DST: variants seen among roughly 807,000 people sequenced by gnomAD.
The protein encoded by DST is dystonin, also known as bullous pemphigoid antigen.
In DST, 253 loss-of-function variants were observed where a neutral mutation model predicts 875.2. That is an observed-to-expected ratio of 0.29 (90% confidence interval 0.26 to 0.32). The LOEUF is 0.32. Among genes scored for constraint, DST ranks in the 10% least tolerant of loss-of-function variants. The pLI, the probability that DST is intolerant of heterozygous loss-of-function variation, is 1.00. For missense variants in DST, 8,287 were observed against 9,111.6 expected (o/e 0.91, Z 3.68); for synonymous variants, 3,124 against 3,197.1 (o/e 0.98, Z 0.77).
chr6:56,552,920 C>T lies in DST; in HGVS notation c.15872G>A (p.Cys5291Tyr), dbSNP rs1277842853. The change falls in exon 61 of 104, where the codon TGT becomes TAT. Residue 5291 changes from cysteine to tyrosine, a missense_variant. Coordinates refer to ENST00000680361, the MANE Select transcript of DST (RefSeq NM_001374736.1). ...ATGGATATCTAGCTGCTCCTTTGCA[C>T]ACTGAAGCTGCCTTTTAGATTCTTT... ...VSKESKRQLQ[C>Y]AKEQLDIHDS... is the part of the protein sequence containing the mutation. 4.3e-6 allele frequency: 7 copies of T among 1,613,906 alleles called. No individual in the cohort carries two copies. The highest frequency in any genetic ancestry group is 5.9e-6 in the Non-Finnish European group (7 of 1,179,904).
intron 69 of DST, among the ~76,000 whole-genome samples, chr6:56,521,152 A>C (rs929709546): frequency 1.3e-5 from 2 of 152,096 alleles, no homozygotes; most frequent in Admixed American, 1.3e-4. Flanking sequence ...CCCCATGAAA[A>C]AGAAGTGAAA....
intron 61 of DST, among the ~76,000 whole-genome samples, chr6:56,546,462 C>T (rs1380536756): frequency 2.2e-5 from 3 of 137,508 alleles, no homozygotes; most frequent in African/African-American, 8.0e-5. Context: ...TGGCCCTATT[C>T]AATTTTCTTC....
intron 4 of DST, among the ~76,000 whole-genome samples, chr6:56,744,462 C>T (rs186411456): frequency 2.0e-5 from 3 of 152,050 alleles, no homozygotes; most frequent in Admixed American, 6.5e-5. Context: ...TCAGTTTCCC[C>T]ATTACTGCCT....
intron 50 of DST, among the ~76,000 whole-genome samples, chr6:56,576,924 G>C (rs1320643532): frequency 1.3e-5 from 2 of 152,094 alleles, no homozygotes; most frequent in Admixed American, 1.3e-4. Context: ...TGCTATTTTT[G>C]TCATAGTGGG....
Position 56,506,548 on chromosome 6 carries a change from C to T in DST, c.19363-4G>A. The T allele has an allele frequency of 2.5e-6, 4 of 1,611,516 alleles. No homozygotes were observed. The highest frequency in any genetic ancestry group is 3.4e-6 in the Non-Finnish European group (4 of 1,178,396). ...GAGAATCCCATGCTGAATTTAACTA[C>T]AAGATGTATGTTAGAATTCTTTTAG... On this transcript the variant is annotated splice_polypyrimidine_tract_variant and splice_region_variant and intron_variant, in intron 76 of 103. Transcript: ENST00000680361.
At chr6:56,684,012 T>C (rs533018085) in intron 9 of DST, among the ~76,000 whole-genome samples, 1 of 152,376 alleles carries the variant, frequency 6.6e-6, no homozygotes, top group African/African-American at 2.4e-5. Flanking sequence ...ACTGATTTCA[T>C]TCACAGCTTA....
chr6:56,497,475 C>T lies in DST; in HGVS notation c.20127G>A (p.Leu6709=). 6.2e-7 allele frequency: 1 copy of T among 1,613,116 alleles called. No individual in the cohort carries two copies. The highest frequency in any genetic ancestry group is 8.5e-7 in the Non-Finnish European group (1 of 1,179,420). ...GCTCCGTGTCAGTCAGCCACTGCTG[C>T]AAATCCTCAATTTCGCCATGGAACC... ...AKGFHGEIED[L]QQWLTDTERH... is the part of the protein sequence containing the mutation. The change falls in exon 82 of 104, where the codon TTG becomes TTA. Residue 6709 remains leucine, a synonymous_variant. Transcript: ENST00000680361.
intron 4 of DST, among the ~76,000 whole-genome samples, chr6:56,751,055 C>A (rs550453825): frequency 3.9e-5 from 6 of 152,040 alleles, no homozygotes; most frequent in Admixed American, 1.3e-4. Context: ...TGCTCTTAAC[C>A]CCCAATGCTT....
At chr6:56,561,782 T>C (rs1446684689) in intron 56 of DST, among the ~76,000 whole-genome samples, 1 of 152,178 alleles carries the variant, frequency 6.6e-6, no homozygotes, top group Admixed American at 6.6e-5. Context: ...AAAGACATTT[T>C]AAATGTAACA....
rs34628660 is a variant in DST, at chr6:56,616,636, G to A, written c.4930-2152C>T. 659 of 1,614,030 alleles carry A rather than the reference G, an allele frequency of 4.1e-4. No homozygotes were observed. Among genetic ancestry groups the A allele is most frequent in the Non-Finnish European group, 5.2e-4 (617 of 1,180,034 alleles). The stretch of plus-strand genomic sequence containing the variant: ...ATGGCTCATGTAAAAACTGTAAGAT[G>A]GCATTATTCAACAACCCCTGCTGCA... On this transcript the variant is annotated intron_variant, in intron 36 of 103. Transcript: ENST00000680361.
intron 9 of DST, among the ~76,000 whole-genome samples, chr6:56,699,141 C>T (rs1379211112): frequency 1.3e-5 from 2 of 152,202 alleles, no homozygotes; most frequent in Admixed American, 1.3e-4. Context: ...GATAATAATT[C>T]AGTCAATAAA....
At chr6:56,669,721 T>A (rs2099090304) in intron 10 of DST, among the ~76,000 whole-genome samples, 1 of 152,176 alleles carries the variant, frequency 6.6e-6, no homozygotes, top group African/African-American at 2.4e-5. Context: ...GTTCCAAGTC[T>A]GCCACTCGCT....
intron 10 of DST, among the ~76,000 whole-genome samples, chr6:56,652,673 C>A (rs1446416983): frequency 1.3e-5 from 2 of 152,166 alleles, no homozygotes; most frequent in Admixed American, 1.3e-4. Flanking sequence ...TCAAGAAAAT[C>A]TTATACTTTT....
rs2098518772 is a variant in DST, at chr6:56,608,683, G to A, written c.5945C>T (p.Thr1982Ile). ...CTGTGCACTTAACAACCTAAACATGGTTTCACGGTCTATGAGACCTTCATG... is the reference window on the plus strand; with the variant it reads ...CTGTGCACTTAACAACCTAAACATGATTTCACGGTCTATGAGACCTTCATG... ...AAHEGLIDRE[T>I]MFRLLSAQLL... The change falls in exon 40 of 104, where the codon ACC (threonine) becomes ATC (isoleucine). Residue 1982 changes from threonine to isoleucine, a missense_variant. Thr to Ile is a moderately conservative substitution (Grantham distance 89). Coordinates refer to ENST00000680361, the MANE Select transcript of DST (RefSeq NM_001374736.1). 2 of 1,612,850 alleles carry A rather than the reference G, an allele frequency of 1.2e-6. No individual in the cohort carries two copies. Among genetic ancestry groups the A allele is most frequent in the African/African-American group, 2.7e-5 (2 of 74,882 alleles).
In DST at chr6:56,552,889, C is replaced by T. The variant is rs371189011; in HGVS notation, c.15903G>A (p.Ser5301=). ...TGTTACTGTAAGCCTGGGATCCCAG[C>T]GAATCATGGATATCTAGCTGCTCCT... ...CAKEQLDIHD[S]LGSQAYSNKY... The change falls in exon 61 of 104, where the codon TCG becomes TCA. Residue 5301 remains serine, a synonymous_variant. Coordinates refer to ENST00000680361, the MANE Select transcript of DST (RefSeq NM_001374736.1). The T allele has an allele frequency of 1.8e-5, 29 of 1,613,910 alleles. No individual in the cohort carries two copies. Among genetic ancestry groups the T allele is most frequent in the East Asian group, 4.5e-5 (2 of 44,882 alleles).
At position 56,697,385 on chromosome 6, in the gene DST, A is replaced by C. The variant is rs539611827; in HGVS notation, c.1047+2268T>G. ...CTATTTTAATGGATGTTGTTTCCTA[A>C]AACACATTTTTTAAAATTTAGCAAA... On this transcript the variant is annotated intron_variant, in intron 9 of 103. Transcript: ENST00000680361. Among the ~76,000 whole-genome samples the C allele has an allele frequency of 2.8e-4, 43 of 152,276 alleles. 1 individual carries two copies. The South Asian group carries it at 8.3e-3, about 29-fold the overall frequency.
At chr6:56,460,836 C>CGA (rs2152372548) in intron 102 of DST, 1 of 152,236 alleles carries the variant, frequency 6.6e-6, no homozygotes, top group East Asian at 1.9e-4. Flanking sequence ...CTTCCTGGCT[C>CGA]TATCACTTCT....
chr6:56,908,343 G>A (rs375043273), intron 2 of DST, among the ~76,000 whole-genome samples: 1 of 152,190 alleles, frequency 6.6e-6, no homozygotes, highest in Non-Finnish European at 1.5e-5. Context: ...GGCAGTCAAC[G>A]AACTTGGATG....
At chr6:56,772,102 T>C (rs2099667645) in intron 4 of DST, among the ~76,000 whole-genome samples, 2 of 152,184 alleles carry the variant, frequency 1.3e-5, no homozygotes, top group South Asian at 2.1e-4. Flanking sequence ...ATTTTAGACA[T>C]GAGGATTGAG....
Sources: gnomAD v4.1 joint callset for allele counts (sites outside exome capture counted in the v4.1 genomes callset) on GRCh38, gnomAD v4.1.1 for gene constraint, MANE v1.5 for transcripts, NCBI Gene and HGNC (gene_info 2026-07-23, HGNC 2026-07-21) for gene names.